The following VWA3B variants were observed in gnomAD, a reference collection of about 807,000 sequenced individuals.
The protein encoded by VWA3B is von Willebrand factor A domain-containing protein 3B.
In VWA3B, 138 loss-of-function variants were observed where a neutral mutation model predicts 158.3. That is an observed-to-expected ratio of 0.87 (90% CI 0.76 to 1.00). The LOEUF is 1.00. Ranked by LOEUF, VWA3B falls within the 50% of genes least tolerant of loss-of-function variation. The pLI is 0.00. For synonymous variants in VWA3B, 596 were observed against 587.3 expected, an observed-to-expected ratio of 1.01 and a Z score of -0.21; for missense variants, 1,555 against 1,565.1, an observed-to-expected ratio of 0.99 and a Z score of 0.11.
At chr2:98,194,834 T>C (rs1203457342) in intron 12 of VWA3B, among the ~76,000 whole-genome samples, 1 of 152,218 alleles carries the variant, frequency 6.6e-6, no homozygotes, top group Non-Finnish European at 1.5e-5. Context: ...AATTTCATTA[T>C]TGTTGCAAAC....
At chr2:98,131,094 T>C (rs1339629545) in intron 6 of VWA3B, among the ~76,000 whole-genome samples, 1 of 152,156 alleles carries the variant, frequency 6.6e-6, no homozygotes, top group East Asian at 1.9e-4. Flanking sequence ...AACCAACCTA[T>C]TTTTATCCCC....
chr2:98,143,340 A>G (rs761573473), intron 7 of VWA3B, among the ~76,000 whole-genome samples: 5 of 152,174 alleles, frequency 3.3e-5, no homozygotes, highest in Non-Finnish European at 7.3e-5. Flanking sequence ...TGCCTGGCCA[A>G]GTTATATCAA....
At chr2:98,200,154 G>A (rs554917277) in intron 12 of VWA3B, among the ~76,000 whole-genome samples, 1 of 152,188 alleles carries the variant, frequency 6.6e-6, no homozygotes, top group East Asian at 1.9e-4. Flanking sequence ...GTCTTCTTTG[G>A]TGAAATATCT....
chr2:98,170,938 G>T (rs1414674836), intron 8 of VWA3B, among the ~76,000 whole-genome samples: 1 of 152,120 alleles, frequency 6.6e-6, no homozygotes, highest in Non-Finnish European at 1.5e-5. Context: ...GCCCACTCCT[G>T]TTGTGTGATG....
At chr2:98,186,628 T>A (rs1240819125) in intron 9 of VWA3B, among the ~76,000 whole-genome samples, 2 of 151,948 alleles carry the variant, frequency 1.3e-5, no homozygotes, top group East Asian at 3.9e-4. Context: ...ACACATCTGA[T>A]CTCTCGGTGA....
chr2:98,275,900 T>A (rs1688494252), intron 22 of VWA3B, among the ~76,000 whole-genome samples: 1 of 152,188 alleles, frequency 6.6e-6, no homozygotes, highest in Non-Finnish European at 1.5e-5. Flanking sequence ...AGACTTTTTC[T>A]TCCAGATCTT....
intron 14 of VWA3B, among the ~76,000 whole-genome samples, chr2:98,218,660 G>C (rs530224458): frequency 6.6e-6 from 1 of 152,344 alleles, no homozygotes; most frequent in South Asian, 2.1e-4. Flanking sequence ...GACTTGGCCT[G>C]TGCATATGCA....
At chr2:98,223,782 G>A (rs1409682954) in intron 14 of VWA3B, among the ~76,000 whole-genome samples, 2 of 152,146 alleles carry the variant, frequency 1.3e-5, no homozygotes, top group African/African-American at 4.8e-5. Context: ...CCAGGCTGGA[G>A]TGCAGTGACA....
At chr2:98,106,468 A>G (rs1352690794) in intron 2 of VWA3B, among the ~76,000 whole-genome samples, 1 of 152,216 alleles carries the variant, frequency 6.6e-6, no homozygotes, top group Non-Finnish European at 1.5e-5. Context: ...ATTAAAGGAG[A>G]ATTGACATCT....
rs1687634282 is a variant in VWA3B, at chr2:98,263,901, A to T, written c.2844-6781A>T. Among the ~76,000 whole-genome samples the T allele has an allele frequency of 2.0e-5, 3 of 151,760 alleles. No individual in the cohort carries two copies. In the South Asian group the frequency reaches 6.2e-4, roughly 31 times the overall value. On this transcript the variant is annotated intron_variant, in intron 21 of 27. Coordinates refer to ENST00000477737, the MANE Select transcript of VWA3B (RefSeq NM_144992.5). ...TTTGTTAGGAGGTTTTTGATTATTG[A>T]TTTGATCTCCTTACTAGTTATAGAT...
intron 12 of VWA3B, chr2:98,207,281 C>G (rs1479327898): frequency 2.0e-6 from 1 of 498,018 alleles, no homozygotes; most frequent in Non-Finnish European, 4.1e-6. Flanking sequence ...CATTTGGATG[C>G]CACCACTGTG....
At position 98,211,940 on chromosome 2, in the gene VWA3B, C is replaced by A. The variant is rs866708967; in HGVS notation, c.1748C>A (p.Ser583Tyr). ...CTCTTTTTTCCGTAGATTGGAAGCT[C>A]CACAAACACCCTGAGTGCCCTGAAA... is the stretch of plus-strand genomic sequence containing the variant. ...SWIRDIKIGS[S>Y]TNTLSALKTA... The change falls in exon 13 of 28, where the codon TCC becomes TAC. Residue 583 changes from serine (S) to tyrosine (Y), a missense_variant. Physicochemically the swap from Ser to Tyr is moderately radical, Grantham distance 144 (BLOSUM62 -2). Transcript: ENST00000477737. 1 of 1,613,974 alleles carries A rather than the reference C, an allele frequency of 6.2e-7. No individual in the cohort carries two copies. Among genetic ancestry groups the A allele is most frequent in the Admixed American group, 1.7e-5 (1 of 60,002 alleles).
At chr2:98,163,420 C>G (rs912492773) in intron 8 of VWA3B, among the ~76,000 whole-genome samples, 18 of 152,212 alleles carry the variant, frequency 1.2e-4, no homozygotes, top group African/African-American at 3.6e-4. Flanking sequence ...TGCCTGTAAT[C>G]CCAGCTACTC....
intron 7 of VWA3B, among the ~76,000 whole-genome samples, chr2:98,158,419 T>G (rs1399492763): frequency 6.6e-6 from 1 of 152,174 alleles, no homozygotes; most frequent in East Asian, 1.9e-4. Flanking sequence ...AGCTGTGTTG[T>G]AGGCAGCTGC....
intron 16 of VWA3B, among the ~76,000 whole-genome samples, chr2:98,231,149 T>C (rs1330272911): frequency 6.6e-6 from 1 of 152,198 alleles, no homozygotes; most frequent in Non-Finnish European, 1.5e-5. Flanking sequence ...TCTAAATAAA[T>C]TGAGACACCA....
At position 98,236,472 on chromosome 2, in the gene VWA3B, C is replaced by A. The variant is rs1685692192; in HGVS notation, c.2511C>A (p.Asp837Glu). The A allele has an allele frequency of 6.2e-7, 1 of 1,614,200 alleles. No homozygotes were observed. Among genetic ancestry groups the A allele is most frequent in the African/African-American group, 1.3e-5 (1 of 75,050 alleles). ...KVTREGSQVY[D>E]HDSSDVSSEN... ...CGCGAGAAGGAAGCCAGGTTTATGA[C>A]CACGAGTGAGTTCTTTAATTTGACA... The change falls in exon 18 of 28, where the codon GAC becomes GAA. Residue 837 changes from aspartate (D) to glutamate (E), a missense_variant. Physicochemically the swap from Asp to Glu is conservative, Grantham distance 45. Coordinates refer to ENST00000477737, the MANE Select transcript of VWA3B (RefSeq NM_144992.5).
intron 22 of VWA3B, among the ~76,000 whole-genome samples, chr2:98,281,776 A>T (rs1688891035): frequency 6.6e-6 from 1 of 152,082 alleles, no homozygotes; most frequent in Non-Finnish European, 1.5e-5. Flanking sequence ...GATTATCTGA[A>T]TTTTGTAGAC....
intron 20 of VWA3B, among the ~76,000 whole-genome samples, chr2:98,253,317 T>C (rs569201611): frequency 6.6e-6 from 1 of 152,280 alleles, no homozygotes; most frequent in East Asian, 1.9e-4. Flanking sequence ...TAAATCCATA[T>C]GTTTAAGGAT....
intron 22 of VWA3B, among the ~76,000 whole-genome samples, chr2:98,277,490 C>T (rs1372227786): frequency 6.6e-6 from 1 of 152,208 alleles, no homozygotes; most frequent in African/African-American, 2.4e-5. Flanking sequence ...ATCAAAAAGG[C>T]TCTCTCACCC....
Sources: allele counts gnomAD v4.1 joint callset (sites outside exome capture counted in the v4.1 genomes callset), GRCh38; gene constraint gnomAD v4.1.1; transcripts MANE v1.5; gene names NCBI Gene and HGNC (gene_info 2026-07-23, HGNC 2026-07-21).